The following ALDH1L2 variants were observed in gnomAD, a reference collection of about 807,000 sequenced individuals.
The protein encoded by ALDH1L2 is mitochondrial 10-formyltetrahydrofolate dehydrogenase.
A neutral mutation model predicts 111.0 loss-of-function variants in ALDH1L2; 91 were observed. The ratio of observed to expected loss-of-function variants is 0.82; its 90% CI spans 0.69 to 0.98. ALDH1L2 has a LOEUF of 0.98. Among genes scored for constraint, ALDH1L2 ranks in the 50% least tolerant of loss-of-function variants. ALDH1L2 has a pLI of 0.00. For synonymous variants in ALDH1L2, 374 were observed against 392.6 expected (o/e 0.95, Z 0.56); for missense variants, 995 against 1,126.8 (o/e 0.88, Z 1.67).
intron 10 of ALDH1L2, among the ~76,000 whole-genome samples, chr12:105,054,740 C>G (rs1470204445): frequency 6.6e-6 from 1 of 151,044 alleles, no homozygotes; most frequent in African/African-American, 2.4e-5. Context: ...AGTGGCTATT[C>G]ACAGGTCTGA....
At chr12:105,060,934 T>C (rs997901128) in intron 9 of ALDH1L2, 47 bp downstream of exon 9, 27 of 1,531,284 alleles carry the variant, frequency 1.8e-5, no homozygotes, top group Non-Finnish European at 2.4e-5. Flanking sequence ...AAAGTCAAAA[T>C]CTCTAGTGAG....
Position 105,020,148 on chromosome 12 carries a change from T to A in ALDH1L2, c.*4276A>T, listed in dbSNP as rs1874092044. 6.6e-6 allele frequency: 1 copy of A among 152,070 alleles called. No homozygotes were observed. The highest frequency in any genetic ancestry group is 2.4e-5 in the African/African-American group (1 of 41,326). 9.4% of individuals were successfully genotyped at this position (152,070 alleles called of 1,614,324 possible). On this transcript the variant is annotated 3_prime_UTR_variant, in exon 23 of 23. Coordinates refer to ENST00000258494, the MANE Select transcript of ALDH1L2 (RefSeq NM_001034173.4). Reference sequence around the variant, plus strand: ...CTCATGTCTCATGCCTTATCCATCATCCCTCATATCCTACTCTTAGCCCAG... The same window carrying A: ...CTCATGTCTCATGCCTTATCCATCAACCCTCATATCCTACTCTTAGCCCAG...
At chr12:105,062,804 G>C in intron 7 of ALDH1L2, 84 bp downstream of exon 7, 1 of 1,502,336 alleles carries the variant, frequency 6.7e-7, no homozygotes, top group Non-Finnish European at 8.9e-7. Flanking sequence ...AGCCAGCAAT[G>C]GAGTGAAAGC....
chr12:105,036,547 T>TGG (rs1875153369), intron 18 of ALDH1L2, among the ~76,000 whole-genome samples: 1 of 39,434 alleles, frequency 2.5e-5, no homozygotes, highest in African/African-American at 2.2e-4. Context: ...TATATATATA[T>TGG]ATATATATAT....
At chr12:105,064,944 G>A (rs540705369) in intron 6 of ALDH1L2, among the ~76,000 whole-genome samples, 11 of 152,200 alleles carry the variant, frequency 7.2e-5, no homozygotes, top group East Asian at 3.9e-4. Context: ...AACTCTTCTC[G>A]AGCAAAGCAG....
chr12:105,058,097 T>C lies in ALDH1L2; in HGVS notation c.1263A>G (p.Gln421=). The change falls in exon 10 of 23, where the codon CAA becomes CAG. Residue 421 remains glutamine, a synonymous_variant. Coordinates refer to ENST00000258494, the MANE Select transcript of ALDH1L2 (RefSeq NM_001034173.4). ...KVVRKLRGED[Q]EVELVVDYIS... ...CATAATCTACAACCAGCTCCACCTC[T>C]TGATCTTCTCCTCTCAGTTTCCTCA... 1 of 1,613,310 alleles carries C rather than the reference T, an allele frequency of 6.2e-7. No homozygotes were observed. The highest frequency in any genetic ancestry group is 2.2e-5 in the East Asian group (1 of 44,842).
rs908032770 is a variant in ALDH1L2 at position 105,020,138 on chromosome 12, T to G, written c.*4286A>C. The G allele has an allele frequency of 1.3e-5, 2 of 152,174 alleles. No individual in the cohort carries two copies. The highest frequency in any genetic ancestry group is 2.9e-5 in the Non-Finnish European group (2 of 68,020). 9.4% of individuals were successfully genotyped at this position (152,174 alleles called of 1,614,324 possible). On this transcript the variant is annotated 3_prime_UTR_variant, in exon 23 of 23. Coordinates refer to ENST00000258494, the MANE Select transcript of ALDH1L2 (RefSeq NM_001034173.4). The stretch of plus-strand genomic sequence containing the variant: ...CCCCTTATTTCTCATGTCTCATGCC[T>G]TATCCATCATCCCTCATATCCTACT...
chr12:105,028,175 A>T (rs958539989), intron 21 of ALDH1L2, among the ~76,000 whole-genome samples: 1 of 152,140 alleles, frequency 6.6e-6, no homozygotes, highest in Non-Finnish European at 1.5e-5. Flanking sequence ...CAGTGGTGCG[A>T]TCTCGGCTCA....
At chr12:105,052,539 T>A (rs1876351800) in intron 11 of ALDH1L2, among the ~76,000 whole-genome samples, 1 of 152,208 alleles carries the variant, frequency 6.6e-6, no homozygotes, top group South Asian at 2.1e-4. Flanking sequence ...TTTTTTCACA[T>A]ATATCTCTAT....
intron 21 of ALDH1L2, among the ~76,000 whole-genome samples, chr12:105,028,299 T>C (rs765350418): frequency 6.6e-6 from 1 of 152,036 alleles, no homozygotes; most frequent in Non-Finnish European, 1.5e-5. Context: ...TTAGTAGAGA[T>C]TTTGTATTTC....
intron 1 of ALDH1L2, among the ~76,000 whole-genome samples, chr12:105,081,530 A>T (rs1308051311): frequency 1.3e-5 from 2 of 152,214 alleles, no homozygotes; most frequent in African/African-American, 4.8e-5. Flanking sequence ...TGACCCAGAC[A>T]CTGGCAGAGA....
chr12:105,027,564 T>C (rs1874477734), intron 21 of ALDH1L2, among the ~76,000 whole-genome samples: 1 of 152,076 alleles, frequency 6.6e-6, no homozygotes, highest in Non-Finnish European at 1.5e-5. Flanking sequence ...TGACTCCATC[T>C]CCCCTCGCCT....
intron 22 of ALDH1L2, among the ~76,000 whole-genome samples, chr12:105,025,649 A>G (rs1262312359): frequency 6.6e-6 from 1 of 152,246 alleles, no homozygotes; most frequent in African/African-American, 2.4e-5. Context: ...GAGAAAATGT[A>G]AAAACAAAAC....
chr12:105,052,951 A>T lies in ALDH1L2; in HGVS notation c.1288-20T>A. The T allele has an allele frequency of 6.2e-7, 1 of 1,611,576 alleles. No homozygotes were observed. Among genetic ancestry groups the T allele is most frequent in the Non-Finnish European group, 8.5e-7 (1 of 1,178,122 alleles). Reference sequence around the variant, plus strand: ...TGAAATCTGAGAGAAGTATATTAATAGATTCAATGGATTTCCGTGTTTACC... The same window carrying T: ...TGAAATCTGAGAGAAGTATATTAATTGATTCAATGGATTTCCGTGTTTACC... On this transcript the variant is annotated intron_variant, in intron 10 of 22. Coordinates refer to ENST00000258494, the MANE Select transcript of ALDH1L2 (RefSeq NM_001034173.4).
At chr12:105,066,117 C>G (rs944160677) in intron 5 of ALDH1L2, among the ~76,000 whole-genome samples, 1 of 152,120 alleles carries the variant, frequency 6.6e-6, no homozygotes, top group Non-Finnish European at 1.5e-5. Flanking sequence ...CCCAGCGCAC[C>G]TAGCATGCCA....
At chr12:105,059,388 A>G (rs1876849819) in intron 9 of ALDH1L2, among the ~76,000 whole-genome samples, 1 of 151,584 alleles carries the variant, frequency 6.6e-6, no homozygotes, top group Admixed American at 6.6e-5. Flanking sequence ...GGAGGATGAG[A>G]TGAAAGGATG....
chr12:105,074,505 AAG>A (rs1174189855), intron 1 of ALDH1L2, among the ~76,000 whole-genome samples: 2 of 151,070 alleles, frequency 1.3e-5, no homozygotes, highest in Non-Finnish European at 2.9e-5. Flanking sequence ...GAAAGAAAGA[AAG>A]AGGGTAATCA....
rs552476862 is a variant in ALDH1L2, at chr12:105,057,233, A to T, written c.1287+840T>A. On this transcript the variant is annotated intron_variant, in intron 10 of 22. Transcript: ENST00000258494. Reference sequence around the variant, plus strand: ...GAGATCCCACTTTACACCCACTAGGACAACTAAAAGAGAAAAGACAGATGA... The same window carrying T: ...GAGATCCCACTTTACACCCACTAGGTCAACTAAAAGAGAAAAGACAGATGA... Among the ~76,000 whole-genome samples, 71 of 152,286 alleles carry T rather than the reference A, an allele frequency of 4.7e-4. 2 individuals carry two copies. The South Asian group carries it at 0.014, about 31-fold the overall frequency.
Position 105,046,900 on chromosome 12 carries a change from C to G in ALDH1L2, c.1756G>C (p.Gly586Arg). Residue 586 changes from glycine to arginine, a missense_variant and splice_region_variant, in exon 14 of 23, where the codon GGT (glycine) becomes CGT (arginine). Coordinates refer to ENST00000258494, the MANE Select transcript of ALDH1L2 (RefSeq NM_001034173.4). ...TCAGAGGCACTCTCCTTATCTTACCCGAGTGGCTCTTTCTTGGTGAAGGTC... is the reference window on the plus strand; with the variant it reads ...TCAGAGGCACTCTCCTTATCTTACCGGAGTGGCTCTTTCTTGGTGAAGGTC... The part of the protein sequence containing the change: ...NLTFTKKEPL[G>R]VCAIIIPWNY... 6.2e-7 allele frequency: 1 copy of G among 1,613,914 alleles called. No individual in the cohort carries two copies. Among genetic ancestry groups the G allele is most frequent in the Non-Finnish European group, 8.5e-7 (1 of 1,179,866 alleles).
Sources: gnomAD v4.1 joint callset for allele counts (sites outside exome capture counted in the v4.1 genomes callset) on GRCh38, gnomAD v4.1.1 for gene constraint, MANE v1.5 for transcripts, NCBI Gene and HGNC (gene_info 2026-07-23, HGNC 2026-07-21) for gene names.